The following ERBB4 variants were observed in gnomAD, a reference collection of about 807,000 sequenced individuals.
ERBB4 encodes receptor tyrosine-protein kinase erbB-4.
A neutral mutation model predicts 158.0 loss-of-function variants in ERBB4; 42 were observed. The ratio of observed to expected loss-of-function variants is 0.27; its 90% CI spans 0.21 to 0.34. The LOEUF (loss-of-function observed/expected upper bound fraction) is 0.34, where lower values mean the gene tolerates loss of function less well. Among genes scored for constraint, ERBB4 ranks in the 10% least tolerant of loss-of-function variants. The pLI, the probability that ERBB4 is intolerant of heterozygous loss-of-function variation, is 1.00. For missense variants in ERBB4, 1,333 were observed against 1,624.1 expected (o/e 0.82, Z 3.08); for synonymous variants, 583 against 558.7 (o/e 1.04, Z -0.61).
At chr2:212,322,110 C>G (rs1431691724) in intron 1 of ERBB4, among the ~76,000 whole-genome samples, 1 of 150,268 alleles carries the variant, frequency 6.7e-6, no homozygotes, top group Non-Finnish European at 1.5e-5. Flanking sequence ...AATTGAGCCT[C>G]TATGCATGTA....
At position 211,561,949 on chromosome 2, in the gene ERBB4, T is replaced by G; in HGVS notation, c.2441A>C (p.Asn814Thr). The G allele has an allele frequency of 1.2e-6, 2 of 1,614,184 alleles. No individual in the cohort carries two copies. Among genetic ancestry groups the G allele is most frequent in the Non-Finnish European group, 1.7e-6 (2 of 1,180,034 alleles). The part of the protein sequence containing the change: ...LLEYVHEHKD[N>T]IGSQLLLNWC... ...GTTAAGCAGCAGTTGTGATCCAATG[T>G]TATCCTTGTGCTCGTGGACATACTC... is the stretch of plus-strand genomic sequence containing the variant. Residue 814 changes from asparagine (N) to threonine (T), a missense_variant, in exon 20 of 28, where the codon AAC (asparagine) becomes ACC (threonine). Coordinates refer to ENST00000342788, the MANE Select transcript of ERBB4 (RefSeq NM_005235.3).
intron 20 of ERBB4, among the ~76,000 whole-genome samples, chr2:211,464,018 G>A (rs13425064): frequency 0.8 from 121,639 of 152,018 alleles, 48,790 homozygotes; most frequent in Middle Eastern, 0.85. Context: ...CTGCATGTCA[G>A]TCTTGCTTTT....
At chr2:212,447,763 T>G (rs1057263533) in intron 1 of ERBB4, among the ~76,000 whole-genome samples, 1 of 141,202 alleles carries the variant, frequency 7.1e-6, no homozygotes, top group Non-Finnish European at 1.6e-5. Context: ...AATATAACTC[T>G]TCATAAAAGA....
intron 1 of ERBB4, among the ~76,000 whole-genome samples, chr2:212,303,955 T>C (rs1372365893): frequency 6.6e-6 from 1 of 151,564 alleles, no homozygotes; most frequent in Non-Finnish European, 1.5e-5. Flanking sequence ...ATTTAAAAAA[T>C]AGATAACTTT....
intron 4 of ERBB4, among the ~76,000 whole-genome samples, chr2:211,752,417 T>G (rs1308313301): frequency 2.2e-4 from 33 of 151,314 alleles, no homozygotes; most frequent in African/African-American, 5.6e-4. Flanking sequence ...ATTTAATCTA[T>G]GATTTATTTA....
In ERBB4 at chr2:211,792,783, T is replaced by C. The variant is rs373900047; in HGVS notation, c.422-4624A>G. Among the ~76,000 whole-genome samples, 15 of 152,038 alleles carry C rather than the reference T, an allele frequency of 9.9e-5. No homozygotes were observed. The East Asian group carries it at 1.4e-3, about 14-fold the overall frequency. ...TCATTCACTCCACAAAGGTTAACCATTGGACCATGTCTTTCCTTGATTTCC... is the reference window on the plus strand; with the variant it reads ...TCATTCACTCCACAAAGGTTAACCACTGGACCATGTCTTTCCTTGATTTCC... On this transcript the variant is annotated intron_variant, in intron 3 of 27. Transcript: ENST00000342788.
chr2:211,932,197 C>G (rs2080196720), intron 3 of ERBB4, among the ~76,000 whole-genome samples: 1 of 151,986 alleles, frequency 6.6e-6, no homozygotes, highest in South Asian at 2.1e-4. Context: ...AATCAAAATT[C>G]TCAGGCCAAA....
chr2:211,991,323 A>G (rs531084284), intron 2 of ERBB4, among the ~76,000 whole-genome samples: 16 of 152,100 alleles, frequency 1.1e-4, no homozygotes, highest in Non-Finnish European at 2.1e-4. Flanking sequence ...TTACAAACCA[A>G]TTACCTGTAT....
At chr2:211,554,099 C>G (rs546246476) in intron 20 of ERBB4, among the ~76,000 whole-genome samples, 1 of 152,126 alleles carries the variant, frequency 6.6e-6, no homozygotes, top group Non-Finnish European at 1.5e-5. Context: ...CCCTTCAGTC[C>G]TCTAATTCCG....
chr2:212,290,692 G>A (rs1203605189), intron 1 of ERBB4, among the ~76,000 whole-genome samples: 3 of 151,954 alleles, frequency 2.0e-5, no homozygotes, highest in Admixed American at 6.6e-5. Context: ...GTGTGTGCAC[G>A]TACACATGCA....
intron 2 of ERBB4, among the ~76,000 whole-genome samples, chr2:212,099,194 T>C (rs2079014950): frequency 6.7e-6 from 1 of 149,962 alleles, no homozygotes; most frequent in African/African-American, 2.4e-5. Context: ...TAATAAATAA[T>C]AAAAATAAAT....
rs747423735 is a variant in ERBB4, at chr2:211,562,045, C to G, written c.2345G>C (p.Arg782Pro). 11 of 1,613,786 alleles carry G rather than the reference C, an allele frequency of 6.8e-6. No homozygotes were observed. The highest frequency in any genetic ancestry group is 9.3e-6 in the Non-Finnish European group (11 of 1,180,006). The change falls in exon 20 of 28, where the codon CGG becomes CCG. Residue 782 changes from arginine (R) to proline (P), a missense_variant. Transcript: ENST00000342788. ...TGGGCTCAGACACACACCCAGCAACCGGACTAGGTGTGGATGATCCATACT... is the reference window on the plus strand; with the variant it reads ...TGGGCTCAGACACACACCCAGCAACGGGACTAGGTGTGGATGATCCATACT... Reference protein sequence around the residue: ...MASMDHPHLVRLLGVCLSPTI... With the variant: ...MASMDHPHLVPLLGVCLSPTI...
intron 19 of ERBB4, among the ~76,000 whole-genome samples, chr2:211,609,320 G>A (rs540532829): frequency 6.6e-6 from 1 of 152,188 alleles, no homozygotes; most frequent in South Asian, 2.1e-4. Context: ...AGAGGGCCCT[G>A]CCCCCACACC....
chr2:212,482,669 T>G (rs1689762846), intron 1 of ERBB4, among the ~76,000 whole-genome samples: 1 of 152,190 alleles, frequency 6.6e-6, no homozygotes, highest in Non-Finnish European at 1.5e-5. Flanking sequence ...CAGGCTGGAG[T>G]GCAGTGGTGC....
intron 4 of ERBB4, among the ~76,000 whole-genome samples, chr2:211,754,967 C>T (rs1405028726): frequency 6.6e-6 from 1 of 151,988 alleles, no homozygotes; most frequent in African/African-American, 2.4e-5. Context: ...TCCCAAAGTG[C>T]TGGGATTACA....
chr2:212,497,510 G>C (rs1364022524), intron 1 of ERBB4, among the ~76,000 whole-genome samples: 5 of 152,150 alleles, frequency 3.3e-5, no homozygotes, highest in South Asian at 2.1e-4. Context: ...AGTATTGATA[G>C]ATTGAACATG....
intron 1 of ERBB4, among the ~76,000 whole-genome samples, chr2:212,176,248 T>TC (rs2081658654): frequency 2.0e-5 from 3 of 151,982 alleles, no homozygotes; most frequent in African/African-American, 7.2e-5. Flanking sequence ...AATGTTTATG[T>TC]CCTCCCCACC....
Position 211,558,659 on chromosome 2 carries a change from A to T in ERBB4, c.2487+3244T>A, listed in dbSNP as rs1188938553. Among the ~76,000 whole-genome samples the T allele has an allele frequency of 2.0e-5, 3 of 152,272 alleles. No homozygotes were observed. In the East Asian group the frequency reaches 5.8e-4, roughly 29 times the overall value. On this transcript the variant is annotated intron_variant, in intron 20 of 27. Transcript: ENST00000342788. Reference sequence around the variant, plus strand: ...TATACAATGAGAAACAAGAATTCAGAGGCTAAACAACACAAACTCACAAAA... The same window carrying T: ...TATACAATGAGAAACAAGAATTCAGTGGCTAAACAACACAAACTCACAAAA...
Position 211,379,223 on chromosome 2 carries a change from ACTC to A in ERBB4, c.*4389_*4391del, listed in dbSNP as rs2062532894. On this transcript the variant is annotated 3_prime_UTR_variant, in exon 28 of 28. Transcript: ENST00000342788. ...GTTTGTTTGCTAGCTAAATGACACC[ACTC>A]CTTTTTTTTTTTGTCTCTGCATAAG... 3 of 223,156 alleles carry A rather than the reference ACTC, an allele frequency of 1.3e-5. No individual in the cohort carries two copies. The highest frequency in any genetic ancestry group is 5.9e-5 in the Admixed American group (1 of 16,994). The allele number at this position is 223,156 out of a possible 1,614,324, so 13.8% of individuals were successfully genotyped here.
Sources: gnomAD v4.1 joint callset for allele counts (sites outside exome capture counted in the v4.1 genomes callset) on GRCh38, gnomAD v4.1.1 for gene constraint, MANE v1.5 for transcripts, NCBI Gene and HGNC (gene_info 2026-07-23, HGNC 2026-07-21) for gene names.